The following DPYD variants were observed in gnomAD, a reference collection of about 807,000 sequenced individuals.
DPYD encodes the protein dihydropyrimidine dehydrogenase, also known as dihydropyrimidine dehydrogenase [NADP(+)].
Under a neutral mutation model 116.2 loss-of-function variants are expected in DPYD, and 109 were observed. That is an observed-to-expected ratio of 0.94 (90% confidence interval 0.80 to 1.10). The LOEUF is 1.10. DPYD is among the 50% of genes least tolerant of loss of function. The probability of loss-of-function intolerance (pLI) is 0.00; values close to 1 mark genes in which losing one functional copy is unlikely to be tolerated. For synonymous variants in DPYD, 440 were observed against 432.0 expected (o/e 1.02, Z -0.23); for missense variants, 1,302 against 1,254.5 (o/e 1.04, Z -0.57).
chr1:97,583,765 T>C (rs78944474), intron 10 of DPYD, among the ~76,000 whole-genome samples: 1,984 of 147,954 alleles, frequency 0.013, 22 homozygotes, highest in Middle Eastern at 0.024. Flanking sequence ...TGACGCAATA[T>C]TTTTTTTAAC....
intron 3 of DPYD, among the ~76,000 whole-genome samples, chr1:97,774,313 G>A (rs184204192): frequency 2.0e-5 from 3 of 152,240 alleles, no homozygotes; most frequent in African/African-American, 7.2e-5. Flanking sequence ...GGATCTGTTT[G>A]CCCTCATGGA....
At chr1:97,405,816 C>T (rs951281510) in intron 14 of DPYD, among the ~76,000 whole-genome samples, 1 of 152,106 alleles carries the variant, frequency 6.6e-6, no homozygotes, top group Non-Finnish European at 1.5e-5. Context: ...TGTGCCTGGC[C>T]CTCTTAATAC....
chr1:97,450,976 A>T (rs1676384055), intron 13 of DPYD, among the ~76,000 whole-genome samples: 1 of 152,122 alleles, frequency 6.6e-6, no homozygotes, highest in Admixed American at 6.6e-5. Context: ...AAAAGAAACA[A>T]AGAAGGAAAA....
intron 3 of DPYD, among the ~76,000 whole-genome samples, chr1:97,753,704 T>C (rs957083614): frequency 1.3e-5 from 2 of 152,154 alleles, no homozygotes; most frequent in African/African-American, 4.8e-5. Flanking sequence ...TTTTCTCGTA[T>C]GTAAATTACC....
At chr1:97,835,260 T>C (rs1362794001) in intron 2 of DPYD, among the ~76,000 whole-genome samples, 1 of 152,126 alleles carries the variant, frequency 6.6e-6, no homozygotes, top group South Asian at 2.1e-4. Flanking sequence ...AATCTGCAAA[T>C]AGTCCTTCAT....
At chr1:97,371,454 A>G (rs1671308422) in intron 16 of DPYD, among the ~76,000 whole-genome samples, 1 of 152,078 alleles carries the variant, frequency 6.6e-6, no homozygotes, top group African/African-American at 2.4e-5. Flanking sequence ...TCTGCACCCC[A>G]CCAATTGGCA....
chr1:97,265,299 C>T (rs1437847066), intron 18 of DPYD: 1 of 152,146 alleles, frequency 6.6e-6, no homozygotes, highest in Non-Finnish European at 1.5e-5. Flanking sequence ...GACCCCTAAT[C>T]TAAAGTCCCA....
intron 3 of DPYD, among the ~76,000 whole-genome samples, chr1:97,773,574 G>A (rs1028771257): frequency 6.6e-6 from 1 of 152,114 alleles, no homozygotes; most frequent in African/African-American, 2.4e-5. Context: ...GAGACACGAG[G>A]AGGCACACAG....
At chr1:97,118,857 A>C (rs759734892) in intron 20 of DPYD, among the ~76,000 whole-genome samples, 1 of 152,112 alleles carries the variant, frequency 6.6e-6, no homozygotes, top group Admixed American at 6.6e-5. Context: ...AATAACTCAC[A>C]TTTTGGTGGT....
At chr1:97,658,490 C>T (rs533910181) in intron 8 of DPYD, among the ~76,000 whole-genome samples, 206 of 152,172 alleles carry the variant, frequency 1.4e-3, no homozygotes, top group African/African-American at 4.5e-3. Context: ...TCGTGTAATT[C>T]GAACAGCTTC....
intron 13 of DPYD, among the ~76,000 whole-genome samples, chr1:97,470,526 G>A (rs1183847919): frequency 1.3e-5 from 2 of 152,150 alleles, no homozygotes; most frequent in African/African-American, 4.8e-5. Flanking sequence ...TAATACTGAT[G>A]TATACTTTAT....
At chr1:97,825,496 G>C (rs188868418) in intron 3 of DPYD, among the ~76,000 whole-genome samples, 3 of 151,994 alleles carry the variant, frequency 2.0e-5, no homozygotes, top group African/African-American at 7.2e-5. Context: ...GAGCCACTTA[G>C]GGGCTGCTAA....
chr1:97,714,834 G>T (rs1323606743), intron 5 of DPYD, among the ~76,000 whole-genome samples: 1 of 151,974 alleles, frequency 6.6e-6, no homozygotes, highest in Non-Finnish European at 1.5e-5. Flanking sequence ...AGAAAACCAG[G>T]GTTTACATTG....
chr1:97,497,113 G>A (rs1679309782), intron 13 of DPYD, among the ~76,000 whole-genome samples: 1 of 151,656 alleles, frequency 6.6e-6, no homozygotes, highest in Non-Finnish European at 1.5e-5. Flanking sequence ...TACCAAGCAG[G>A]GCAGAAGTGA....
chr1:97,786,819 G>T (rs1325728990), intron 3 of DPYD, among the ~76,000 whole-genome samples: 3 of 152,108 alleles, frequency 2.0e-5, no homozygotes, highest in Non-Finnish European at 2.9e-5. Context: ...AATTTGCAAA[G>T]GGAAAGCTTG....
intron 8 of DPYD, among the ~76,000 whole-genome samples, chr1:97,675,000 A>C (rs1660064616): frequency 6.6e-6 from 1 of 152,230 alleles, no homozygotes; most frequent in Non-Finnish European, 1.5e-5. Flanking sequence ...TATTTAAAAA[A>C]TACATTTTAT....
At chr1:97,358,266 C>T (rs1670525415) in intron 16 of DPYD, among the ~76,000 whole-genome samples, 1 of 152,196 alleles carries the variant, frequency 6.6e-6, no homozygotes, top group Non-Finnish European at 1.5e-5. Context: ...TCTGCCATTG[C>T]TGAGGCTTGA....
chr1:97,313,170 C>G (rs1667613078), intron 16 of DPYD, among the ~76,000 whole-genome samples: 1 of 151,850 alleles, frequency 6.6e-6, no homozygotes, highest in Admixed American at 6.6e-5. Context: ...GCATGTAGCG[C>G]AGAACCTGAC....
In DPYD at chr1:97,456,820, C is replaced by A. The variant is rs549336459; in HGVS notation, c.1741-6597G>T. Among the ~76,000 whole-genome samples the A allele has an allele frequency of 8.5e-5, 13 of 152,088 alleles. No individual in the cohort carries two copies. In the East Asian group the frequency reaches 2.3e-3, roughly 27 times the overall value. On this transcript the variant is annotated intron_variant, in intron 13 of 22. Transcript: ENST00000370192. ...ATCTAGGAAAATGGGGTAAGACAGG[C>A]AAAATAATTATCATTTAGTGAAATA...
Sources: allele counts gnomAD v4.1 joint callset (sites outside exome capture counted in the v4.1 genomes callset), GRCh38; gene constraint gnomAD v4.1.1; transcripts MANE v1.5; gene names NCBI Gene and HGNC (gene_info 2026-07-23, HGNC 2026-07-21).